Variants in GRK5 observed in about 807,000 individuals in gnomAD.
GRK5 encodes the protein g protein-coupled receptor kinase GRK5.
In GRK5, 40 loss-of-function variants were observed where a neutral mutation model predicts 78.4. The ratio of observed to expected loss-of-function variants is 0.51; its 90% CI spans 0.40 to 0.66. GRK5 has a LOEUF of 0.66. Among genes scored for constraint, GRK5 ranks in the 30% least tolerant of loss-of-function variants. The pLI, the probability that GRK5 is intolerant of heterozygous loss-of-function variation, is 0.00. For missense variants in GRK5, 598 were observed against 759.9 expected, an observed-to-expected ratio of 0.79 and a Z score of 2.50; for synonymous variants, 289 against 296.8, an observed-to-expected ratio of 0.97 and a Z score of 0.27.
At chr10:119,318,116 C>A (rs375280970) in intron 1 of GRK5, among the ~76,000 whole-genome samples, 1 of 152,044 alleles carries the variant, frequency 6.6e-6, no homozygotes, top group Non-Finnish European at 1.5e-5. Flanking sequence ...TGCATGGAAC[C>A]TTCCTCAGTT....
chr10:119,298,235 C>T (rs958181051), intron 1 of GRK5, among the ~76,000 whole-genome samples: 24 of 152,134 alleles, frequency 1.6e-4, no homozygotes, highest in African/African-American at 5.8e-4. Context: ...TTTTTGGGCT[C>T]CTACTATATA....
intron 1 of GRK5, among the ~76,000 whole-genome samples, chr10:119,288,707 G>C (rs1296976567): frequency 6.6e-6 from 1 of 152,200 alleles, no homozygotes; most frequent in East Asian, 1.9e-4. Flanking sequence ...TGTGTGTGGG[G>C]AGTGGGGGTG....
At chr10:119,288,455 G>A (rs776954139) in intron 1 of GRK5, among the ~76,000 whole-genome samples, 5 of 152,164 alleles carry the variant, frequency 3.3e-5, no homozygotes, top group Admixed American at 1.3e-4. Context: ...GGTGGCCTCC[G>A]AGCCCTGCTT....
At chr10:119,274,646 C>T (rs1393891600) in intron 1 of GRK5, among the ~76,000 whole-genome samples, 2 of 152,206 alleles carry the variant, frequency 1.3e-5, no homozygotes, top group East Asian at 3.8e-4. Flanking sequence ...GGTATTTCTC[C>T]CTCTAGACTG....
chr10:119,419,744 G>A (rs1207081761), intron 4 of GRK5, among the ~76,000 whole-genome samples: 1 of 152,210 alleles, frequency 6.6e-6, no homozygotes, highest in Non-Finnish European at 1.5e-5. Context: ...TCAGTTGGCT[G>A]TCCCTGCCTG....
chr10:119,394,089 C>CTGTGTGTCTGTGTTTG (rs1851935492), intron 3 of GRK5, among the ~76,000 whole-genome samples: 1 of 90,784 alleles, frequency 1.1e-5, no homozygotes, highest in African/African-American at 4.6e-5. Context: ...GTGTGGGTAT[C>CTGTGTGTCTGTGTTTG]TGTGTGTGTC....
At chr10:119,266,363 G>A (rs1180680465) in intron 1 of GRK5, among the ~76,000 whole-genome samples, 2 of 152,064 alleles carry the variant, frequency 1.3e-5, no homozygotes, top group Admixed American at 6.5e-5. Flanking sequence ...AGGCTGAGAC[G>A]GGAGAACGCT....
At position 119,344,079 on chromosome 10, in the gene GRK5, C is replaced by CT. The variant is rs984816023; in HGVS notation, c.148+17478dup. ...GAGCAGGTTTTTCTTTTTTCTTTTT[C>CT]TTTTTTTTTTGGCGGGGGGTAACAG... On this transcript the variant is annotated intron_variant, in intron 2 of 15. Transcript: ENST00000392870. Among the ~76,000 whole-genome samples the CT allele has an allele frequency of 1.4e-3, 203 of 143,964 alleles. No homozygotes were observed. In the East Asian group the frequency reaches 0.025, roughly 18 times the overall value. The allele number at this position is 143,964 out of a possible 152,430, so 94.4% of individuals were successfully genotyped here.
At chr10:119,249,560 C>T (rs879641737) in intron 1 of GRK5, among the ~76,000 whole-genome samples, 2 of 151,948 alleles carry the variant, frequency 1.3e-5, no homozygotes, top group East Asian at 1.9e-4. Flanking sequence ...TGCAATGGCG[C>T]GATCTCGGCT....
intron 1 of GRK5, among the ~76,000 whole-genome samples, chr10:119,325,155 T>C (rs1280162889): frequency 6.6e-6 from 1 of 152,222 alleles, no homozygotes. Context: ...CCAGGATAGC[T>C]TGGATGACAG....
At chr10:119,286,577 G>C (rs1333536300) in intron 1 of GRK5, among the ~76,000 whole-genome samples, 1 of 152,238 alleles carries the variant, frequency 6.6e-6, no homozygotes, top group Non-Finnish European at 1.5e-5. Flanking sequence ...GGGGGCCTCT[G>C]TTGACTCTGC....
intron 2 of GRK5, among the ~76,000 whole-genome samples, chr10:119,358,092 C>A (rs971681709): frequency 6.6e-6 from 1 of 152,142 alleles, no homozygotes; most frequent in Non-Finnish European, 1.5e-5. Flanking sequence ...TTCTAAGGCC[C>A]CGGCTGGTTT....
intron 1 of GRK5, among the ~76,000 whole-genome samples, chr10:119,275,456 C>G (rs1486437269): frequency 6.6e-6 from 1 of 152,188 alleles, no homozygotes; most frequent in Non-Finnish European, 1.5e-5. Context: ...CTTTATTACA[C>G]TTTACTATGA....
At chr10:119,281,990 C>T (rs1429109749) in intron 1 of GRK5, among the ~76,000 whole-genome samples, 1 of 152,150 alleles carries the variant, frequency 6.6e-6, no homozygotes, top group East Asian at 1.9e-4. Flanking sequence ...CATTGGTGAC[C>T]TCCCTCCTGG....
chr10:119,366,261 A>G (rs1851447703), intron 2 of GRK5, among the ~76,000 whole-genome samples: 1 of 152,214 alleles, frequency 6.6e-6, no homozygotes, highest in African/African-American at 2.4e-5. Flanking sequence ...CCTGGTGAAT[A>G]GCTTTCTCAT....
chr10:119,313,239 GTGGTAA>G (rs1589738504), intron 1 of GRK5, among the ~76,000 whole-genome samples: 30 of 141,504 alleles, frequency 2.1e-4, no homozygotes, highest in South Asian at 7.0e-4. Context: ...GATGATGGTG[GTGGTAA>G]TGGTGGTGGT....
intron 2 of GRK5, among the ~76,000 whole-genome samples, chr10:119,331,453 T>A (rs1228515264): frequency 1.3e-5 from 2 of 152,232 alleles, no homozygotes; most frequent in Admixed American, 1.3e-4. Flanking sequence ...GAAGGCTTTT[T>A]AAAATAAAAT....
chr10:119,293,915 CTG>C (rs1329201142), intron 1 of GRK5, among the ~76,000 whole-genome samples: 7 of 152,136 alleles, frequency 4.6e-5, no homozygotes, highest in Admixed American at 4.6e-4. Context: ...CAAGAGCACT[CTG>C]TGTCTTTTCA....
intron 2 of GRK5, among the ~76,000 whole-genome samples, chr10:119,333,030 T>C (rs1444655516): frequency 6.6e-6 from 1 of 152,238 alleles, no homozygotes; most frequent in African/African-American, 2.4e-5. Flanking sequence ...CTAGATGTTC[T>C]ATGTTAATTG....
Sources: gnomAD v4.1 joint callset for allele counts (sites outside exome capture counted in the v4.1 genomes callset) on GRCh38, gnomAD v4.1.1 for gene constraint, MANE v1.5 for transcripts, NCBI Gene and HGNC (gene_info 2026-07-23, HGNC 2026-07-21) for gene names.